The following NMNAT2 variants were observed in gnomAD, a reference collection of about 807,000 sequenced individuals.
NMNAT2 encodes nicotinamide nucleotide adenylyltransferase 2.
NMNAT2 carries 11 observed loss-of-function variants against 41.6 expected under a neutral mutation model. That is an observed-to-expected ratio of 0.26 (90% CI 0.17 to 0.44). The LOEUF (loss-of-function observed/expected upper bound fraction) is 0.44, where lower values mean the gene tolerates loss of function less well. Among genes scored for constraint, NMNAT2 ranks in the 20% least tolerant of loss-of-function variants. NMNAT2 has a pLI of 1.00. For synonymous variants in NMNAT2, 148 were observed against 151.2 expected (o/e 0.98, Z 0.16); for missense variants, 288 against 407.7 (o/e 0.71, Z 2.53).
At chr1:183,386,838 A>G (rs940355693) in intron 1 of NMNAT2, among the ~76,000 whole-genome samples, 3 of 152,118 alleles carry the variant, frequency 2.0e-5, no homozygotes, top group Non-Finnish European at 2.9e-5. Context: ...CATTATACAA[A>G]TGGACACATA....
intron 1 of NMNAT2, among the ~76,000 whole-genome samples, chr1:183,344,609 G>A (rs772063771): frequency 7.9e-5 from 12 of 152,184 alleles, no homozygotes; most frequent in Admixed American, 5.2e-4. Flanking sequence ...GGCCTTCTCA[G>A]CCTCGGCACT....
At chr1:183,295,392 A>G (rs1661664025) in intron 1 of NMNAT2, among the ~76,000 whole-genome samples, 1 of 152,192 alleles carries the variant, frequency 6.6e-6, no homozygotes, top group Non-Finnish European at 1.5e-5. Context: ...AGAATAATTG[A>G]GCAGATTGTA....
chr1:183,409,181 C>G (rs1200631814), intron 1 of NMNAT2, among the ~76,000 whole-genome samples: 2 of 151,222 alleles, frequency 1.3e-5, no homozygotes, highest in African/African-American at 2.4e-5. Flanking sequence ...AAAGTGAGAC[C>G]ATGTCTCTAA....
intron 1 of NMNAT2, among the ~76,000 whole-genome samples, chr1:183,311,996 T>A (rs114550851): frequency 0.01 from 1,579 of 152,212 alleles, 37 homozygotes; most frequent in African/African-American, 0.036. Context: ...CCTGCTGCCC[T>A]CCATGTAAGA....
intron 1 of NMNAT2, among the ~76,000 whole-genome samples, chr1:183,309,859 C>T (rs969865334): frequency 6.6e-6 from 1 of 152,172 alleles, no homozygotes; most frequent in East Asian, 1.9e-4. Context: ...ATACTTCTCT[C>T]GCTCATTTTG....
intron 1 of NMNAT2, among the ~76,000 whole-genome samples, chr1:183,318,933 G>A (rs555163664): frequency 1.3e-5 from 2 of 152,342 alleles, no homozygotes; most frequent in East Asian, 1.9e-4. Context: ...GTATCATTAA[G>A]CACAATTTAT....
At chr1:183,286,309 C>A (rs1216523285) in intron 5 of NMNAT2, among the ~76,000 whole-genome samples, 2 of 152,136 alleles carry the variant, frequency 1.3e-5, no homozygotes, top group Non-Finnish European at 2.9e-5. Flanking sequence ...CCAGGCTACT[C>A]TCAAACTCCT....
At chr1:183,362,270 A>G (rs965888251) in intron 1 of NMNAT2, among the ~76,000 whole-genome samples, 2 of 152,156 alleles carry the variant, frequency 1.3e-5, no homozygotes, top group South Asian at 4.1e-4. Context: ...CATAATTCAC[A>G]TATCATAAAA....
chr1:183,347,832 C>T (rs1662965511), intron 1 of NMNAT2, among the ~76,000 whole-genome samples: 1 of 152,160 alleles, frequency 6.6e-6, no homozygotes, highest in South Asian at 2.1e-4. Context: ...CTAGTCATCA[C>T]ACTTTTAGAC....
intron 1 of NMNAT2, among the ~76,000 whole-genome samples, chr1:183,341,047 C>T (rs897640842): frequency 6.6e-6 from 1 of 152,186 alleles, no homozygotes; most frequent in South Asian, 2.1e-4. Flanking sequence ...ACAGCCTGGG[C>T]GACTTGCCCA....
At chr1:183,393,663 C>T (rs561242224) in intron 1 of NMNAT2, among the ~76,000 whole-genome samples, 49 of 152,300 alleles carry the variant, frequency 3.2e-4, no homozygotes, top group Non-Finnish European at 5.3e-4. Context: ...TCAAGCGATT[C>T]GCCTGCCTCA....
intron 1 of NMNAT2, among the ~76,000 whole-genome samples, chr1:183,367,883 C>A (rs1346973754): frequency 6.6e-6 from 1 of 152,056 alleles, no homozygotes; most frequent in African/African-American, 2.4e-5. Context: ...TTTTAGATAC[C>A]AGAGGTCTAG....
intron 1 of NMNAT2, among the ~76,000 whole-genome samples, chr1:183,386,076 G>C (rs1481888470): frequency 2.0e-5 from 3 of 152,110 alleles, no homozygotes; most frequent in Non-Finnish European, 4.4e-5. Flanking sequence ...TGTGCTAGGG[G>C]ACTTAAAAAT....
chr1:183,266,792 C>A, intron 8 of NMNAT2: 2 of 204,790 alleles, frequency 9.8e-6, no homozygotes, highest in South Asian at 1.3e-4. Context: ...CTGCCTGACT[C>A]ACTTCCATGG....
intron 1 of NMNAT2, among the ~76,000 whole-genome samples, chr1:183,340,415 TG>T (rs1159420388): frequency 6.6e-6 from 1 of 150,586 alleles, no homozygotes; most frequent in Admixed American, 6.6e-5. Context: ...CTACACCTCC[TG>T]GGTTCAAGCA....
In NMNAT2 at chr1:183,278,542, T is replaced by C. The variant is rs779711400; in HGVS notation, c.651+11A>G. The C allele has an allele frequency of 6.2e-6, 10 of 1,602,158 alleles. No individual in the cohort carries two copies. In the South Asian group the frequency reaches 9.9e-5, roughly 16 times the overall value. Reference sequence around the variant, plus strand: ...CCCAGCTGGGTGCCAGGCAATAACCTTGCTACTCACATCTGCCTCGTTCCA... The same window carrying C: ...CCCAGCTGGGTGCCAGGCAATAACCCTGCTACTCACATCTGCCTCGTTCCA... On this transcript the variant is annotated intron_variant, in intron 8 of 10. Coordinates refer to ENST00000287713, the MANE Select transcript of NMNAT2 (RefSeq NM_015039.4).
At chr1:183,357,745 T>C (rs1434346895) in intron 1 of NMNAT2, among the ~76,000 whole-genome samples, 2 of 152,312 alleles carry the variant, frequency 1.3e-5, no homozygotes, top group East Asian at 3.9e-4. Flanking sequence ...TGCATTTCTC[T>C]AGTGATCAGT....
chr1:183,312,622 T>C (rs1042522992), intron 1 of NMNAT2, among the ~76,000 whole-genome samples: 2 of 152,124 alleles, frequency 1.3e-5, no homozygotes, highest in African/African-American at 4.8e-5. Context: ...CTTTTTTCAG[T>C]TGAAGAAAGT....
chr1:183,270,050 A>AT (rs1373200565), intron 8 of NMNAT2, among the ~76,000 whole-genome samples: 1 of 151,892 alleles, frequency 6.6e-6, no homozygotes, highest in East Asian at 1.9e-4. Flanking sequence ...CGCCCGGCTA[A>AT]TTTTTTTGTA....
Sources: gnomAD v4.1 joint callset for allele counts (sites outside exome capture counted in the v4.1 genomes callset) on GRCh38, gnomAD v4.1.1 for gene constraint, MANE v1.5 for transcripts, NCBI Gene and HGNC (gene_info 2026-07-23, HGNC 2026-07-21) for gene names.